Variants in RDH14 observed in about 807,000 individuals in gnomAD.
RDH14 encodes retinol dehydrogenase 14, also known as alcohol dehydrogenase PAN2.
Under a neutral mutation model 19.3 loss-of-function variants are expected in RDH14, and 17 were observed. The ratio of observed to expected loss-of-function variants is 0.88; its 90% confidence interval spans 0.60 to 1.32. RDH14 has a LOEUF of 1.32. RDH14 is among the 40% of genes most tolerant of loss of function. The pLI, the probability that RDH14 is intolerant of heterozygous loss-of-function variation, is 0.00. For synonymous variants in RDH14, 215 were observed against 188.9 expected, an observed-to-expected ratio of 1.14 and a Z score of -1.13; for missense variants, 534 against 449.2, an observed-to-expected ratio of 1.19 and a Z score of -1.71.
rs546106327 is a variant in RDH14 at position 18,560,312 on chromosome 2, G to A, written c.261C>T (p.Leu87=). ...RARAEEAAGQ[L]RRELRQAAEC... ...CCGCGGCCTGGCGGAGCTCGCGGCG[G>A]AGCTGACCCGCCGCCTCCTCGGCGC... The change falls in exon 1 of 2, where the codon CTC becomes CTT. Residue 87 remains leucine (L), a synonymous_variant. Transcript: ENST00000381249. 6 of 1,436,860 alleles carry A rather than the reference G, an allele frequency of 4.2e-6. No homozygotes were observed. The highest frequency in any genetic ancestry group is 5.4e-6 in the Non-Finnish European group (6 of 1,107,712). 89.0% of individuals were successfully genotyped at this position (1,436,860 alleles called of 1,614,324 possible).
At chr2:18,559,712 A>G (rs1664032673) in intron 1 of RDH14, among the ~76,000 whole-genome samples, 1 of 152,134 alleles carries the variant, frequency 6.6e-6, no homozygotes, top group Non-Finnish European at 1.5e-5. Flanking sequence ...CCCAGCAGAA[A>G]AGGGGCAGAG....
Position 18,560,110 on chromosome 2 carries a change from C to T in RDH14, c.393+70G>A, listed in dbSNP as rs371244701. 221 of 1,472,172 alleles carry T rather than the reference C, an allele frequency of 1.5e-4. 3 individuals carry two copies. In the South Asian group the frequency reaches 2.6e-3, roughly 17 times the overall value. 91.2% of individuals were successfully genotyped at this position (1,472,172 alleles called of 1,614,324 possible). The stretch of plus-strand genomic sequence containing the variant: ...CCAGGGCGGTCCCTCGCGGCTCAGC[C>T]CCAGCCCGCAGTCCCCTCCCACACC... On this transcript the variant is annotated intron_variant, in intron 1 of 1. Coordinates refer to ENST00000381249, the MANE Select transcript of RDH14 (RefSeq NM_020905.4).
rs1218201483 is a variant in RDH14 at position 18,560,513 on chromosome 2, C to T, written c.60G>A (p.Ala20=). 15 of 1,511,128 alleles carry T rather than the reference C, an allele frequency of 9.9e-6. No individual in the cohort carries two copies. In the East Asian group the frequency reaches 3.2e-4, roughly 32 times the overall value. The allele number at this position is 1,511,128 out of a possible 1,614,324, so 93.6% of individuals were successfully genotyped here. A position where few individuals can be genotyped will look rare whatever the true frequency, so the allele number is the denominator to read the frequency against. ...CCCTGGGCCCCACGAACCGGCGGGC[C>T]GCCAGCCACAGCGCCCCGCCCAGAG... ...LAALGGALWL[A]ARRFVGPRVQ... The change falls in exon 1 of 2, where the codon GCG becomes GCA. Residue 20 remains alanine, a synonymous_variant. Coordinates refer to ENST00000381249, the MANE Select transcript of RDH14 (RefSeq NM_020905.4).
rs769710336 is a variant in RDH14, at chr2:18,560,236, C to G, written c.337G>C (p.Glu113Gln). 9.8e-6 allele frequency: 15 copies of G among 1,526,052 alleles called. No homozygotes were observed. The South Asian group carries it at 1.7e-4, about 17-fold the overall frequency. 94.5% of individuals were successfully genotyped at this position (1,526,052 alleles called of 1,614,324 possible). A position where few individuals can be genotyped will look rare whatever the true frequency, so the allele number is the denominator to read the frequency against. Residue 113 changes from glutamate to glutamine, a missense_variant, in exon 1 of 2, where the codon GAG (glutamate) becomes CAG (glutamine). Transcript: ENST00000381249. The stretch of plus-strand genomic sequence containing the variant: ...GAGCGCAGCGAGGCGAGGTCCAGCT[C>G]CCGGACTATGAGCTCGCCCACCCCG... ...VSGVGELIVR[E>Q]LDLASLRSVR... is the part of the protein sequence containing the mutation.
At position 18,560,514 on chromosome 2, in the gene RDH14, G is replaced by T. The variant is rs767024281; in HGVS notation, c.59C>A (p.Ala20Glu). The T allele has an allele frequency of 6.6e-7, 1 of 1,509,076 alleles. No homozygotes were observed. Among genetic ancestry groups the T allele is most frequent in the South Asian group, 1.2e-5 (1 of 81,536 alleles). 93.5% of individuals were successfully genotyped at this position (1,509,076 alleles called of 1,614,324 possible). A position where few individuals can be genotyped will look rare whatever the true frequency, so the allele number is the denominator to read the frequency against. The change falls in exon 1 of 2, where the codon GCG becomes GAG. Residue 20 changes from alanine (A) to glutamate (E), a missense_variant. Transcript: ENST00000381249. Reference sequence around the variant, plus strand: ...CCTGGGCCCCACGAACCGGCGGGCCGCCAGCCACAGCGCCCCGCCCAGAGC... The same window carrying T: ...CCTGGGCCCCACGAACCGGCGGGCCTCCAGCCACAGCGCCCCGCCCAGAGC... ...LAALGGALWL[A>E]ARRFVGPRVQ...
chr2:18,558,343 G>A (rs1408837170), intron 1 of RDH14, among the ~76,000 whole-genome samples: 1 of 151,990 alleles, frequency 6.6e-6, no homozygotes, highest in Admixed American at 6.6e-5. Flanking sequence ...TTCTCAAATA[G>A]CTACTAAGTT....
At chr2:18,556,757 C>A (rs754770752) in intron 1 of RDH14, among the ~76,000 whole-genome samples, 7 of 152,210 alleles carry the variant, frequency 4.6e-5, no homozygotes, top group Admixed American at 1.3e-4. Flanking sequence ...AGACCATATG[C>A]TGTAGAAAAC....
Position 18,555,222 on chromosome 2 carries a change from A to G in RDH14, c.980T>C (p.Ile327Thr). The stretch of plus-strand genomic sequence containing the variant: ...TAGCAGGCCAACCATCACTTCACTG[A>G]TATCCCAGAGTTTTCTTGCAACAGA... ...DESVARKLWD[I>T]SEVMVGLLK The change falls in exon 2 of 2, where the codon ATC becomes ACC. Residue 327 changes from isoleucine (I) to threonine (T), a missense_variant. Coordinates refer to ENST00000381249, the MANE Select transcript of RDH14 (RefSeq NM_020905.4). 1 of 1,614,012 alleles carries G rather than the reference A, an allele frequency of 6.2e-7. No individual in the cohort carries two copies. Among genetic ancestry groups the G allele is most frequent in the African/African-American group, 1.3e-5 (1 of 75,044 alleles).
Position 18,560,541 on chromosome 2 carries a change from G to T in RDH14, c.32C>A (p.Ala11Asp), listed in dbSNP as rs1218658426. 1.2e-5 allele frequency: 18 copies of T among 1,505,000 alleles called. No individual in the cohort carries two copies. The highest frequency in any genetic ancestry group is 1.5e-5 in the Non-Finnish European group (17 of 1,135,196). 93.2% of individuals were successfully genotyped at this position (1,505,000 alleles called of 1,614,324 possible). The change falls in exon 1 of 2, where the codon GCC (alanine) becomes GAC (aspartate). Residue 11 changes from alanine to aspartate, a missense_variant. Physicochemically the swap from Ala to Asp is moderately radical, Grantham distance 126. Transcript: ENST00000381249. MAVATAAAVL[A>D]ALGGALWLAA... ...CAGCCACAGCGCCCCGCCCAGAGCGGCCAGTACTGCCGCCGCAGTGGCCAC... is the reference window on the plus strand; with the variant it reads ...CAGCCACAGCGCCCCGCCCAGAGCGTCCAGTACTGCCGCCGCAGTGGCCAC...
rs138173772 is a variant in RDH14 at position 18,555,481 on chromosome 2, T to A, written c.721A>T (p.Thr241Ser). The A allele has an allele frequency of 3.1e-4, 502 of 1,614,068 alleles. No individual in the cohort carries two copies. The highest frequency in any genetic ancestry group is 8.5e-4 in the Admixed American group (51 of 60,014). The change falls in exon 2 of 2, where the codon ACC becomes TCC. Residue 241 changes from threonine to serine, a missense_variant. Physicochemically the swap from Thr to Ser is moderately conservative, Grantham distance 58. Coordinates refer to ENST00000381249, the MANE Select transcript of RDH14 (RefSeq NM_020905.4). ...LARRLEGTNVTVNVLHPGIVR... is the reference protein window; with the variant it reads ...LARRLEGTNVSVNVLHPGIVR... ...ATACCAGGATGCAACACATTGACGG[T>A]GACATTTGTGCCTTCTAAGCGGCGG...
At position 18,555,694 on chromosome 2, in the gene RDH14, G is replaced by GA; in HGVS notation, c.507dup (p.Leu170SerfsTer27). ...AGTCCAAGGAGAAGATTGGTGAGTA[G>GA]AAAGTGCCCCAGATGGTTCACTCCG... is the stretch of plus-strand genomic sequence containing the variant. On this transcript the variant is annotated frameshift_variant, in exon 2 of 2. Transcript: ENST00000381249. LOFTEE classifies it high-confidence loss of function. 1 of 1,614,132 alleles carries GA rather than the reference G, an allele frequency of 6.2e-7. No individual in the cohort carries two copies. The highest frequency in any genetic ancestry group is 8.5e-7 in the Non-Finnish European group (1 of 1,179,978).
At position 18,560,531 on chromosome 2, in the gene RDH14, G is replaced by A; in HGVS notation, c.42C>T (p.Gly14=). The A allele has an allele frequency of 1.3e-6, 2 of 1,507,520 alleles. No individual in the cohort carries two copies. Among genetic ancestry groups the A allele is most frequent in the South Asian group, 1.2e-5 (1 of 81,424 alleles). 93.4% of individuals were successfully genotyped at this position (1,507,520 alleles called of 1,614,324 possible). The change falls in exon 1 of 2, where the codon GGC becomes GGT. Residue 14 remains glycine, a synonymous_variant. Transcript: ENST00000381249. The part of the protein sequence containing the change: ...ATAAAVLAAL[G]GALWLAARRF... ...GGCGGGCCGCCAGCCACAGCGCCCC[G>A]CCCAGAGCGGCCAGTACTGCCGCCG...
rs946436487 is a variant in RDH14 at position 18,560,311 on chromosome 2, G to T, written c.262C>A (p.Arg88Ser). 1 of 1,435,018 alleles carries T rather than the reference G, an allele frequency of 7.0e-7. No homozygotes were observed. The highest frequency in any genetic ancestry group is 1.5e-5 in the African/African-American group (1 of 66,588). The allele number at this position is 1,435,018 out of a possible 1,614,324, so 88.9% of individuals were successfully genotyped here. A position where few individuals can be genotyped will look rare whatever the true frequency, so the allele number is the denominator to read the frequency against. ...TCCGCGGCCTGGCGGAGCTCGCGGC[G>T]GAGCTGACCCGCCGCCTCCTCGGCG... is the stretch of plus-strand genomic sequence containing the variant. Reference protein sequence around the residue: ...ARAEEAAGQLRRELRQAAECG... With the variant: ...ARAEEAAGQLSRELRQAAECG... Residue 88 changes from arginine (R) to serine (S), a missense_variant, in exon 1 of 2, where the codon CGC becomes AGC. Physicochemically the swap from Arg to Ser is moderately radical, Grantham distance 110 (BLOSUM62 -1). Coordinates refer to ENST00000381249, the MANE Select transcript of RDH14 (RefSeq NM_020905.4).
chr2:18,560,519 C>T lies in RDH14; in HGVS notation c.54G>A (p.Trp18Ter), dbSNP rs755791682. 3 of 1,510,352 alleles carry T rather than the reference C, an allele frequency of 2.0e-6. No homozygotes were observed. Among genetic ancestry groups the T allele is most frequent in the East Asian group, 5.3e-5 (2 of 37,560 alleles). The allele number at this position is 1,510,352 out of a possible 1,614,324, so 93.6% of individuals were successfully genotyped here. ...GCCCCACGAACCGGCGGGCCGCCAG[C>T]CACAGCGCCCCGCCCAGAGCGGCCA... ...AVLAALGGAL[W>*]LAARRFVGPR... is the part of the protein sequence containing the mutation. Residue 18 changes from tryptophan (W) to a stop codon, truncating the protein, a stop_gained, in exon 1 of 2, where the codon TGG (tryptophan) becomes TGA (stop). Coordinates refer to ENST00000381249, the MANE Select transcript of RDH14 (RefSeq NM_020905.4). LOFTEE classifies it high-confidence loss of function.
intron 1 of RDH14, among the ~76,000 whole-genome samples, chr2:18,557,704 C>T (rs1409451448): frequency 1.3e-5 from 2 of 151,962 alleles, no homozygotes; most frequent in African/African-American, 4.8e-5. Flanking sequence ...AACAGAAATA[C>T]TTACTTAGAA....
At position 18,555,548 on chromosome 2, in the gene RDH14, G is replaced by A. The variant is rs1663889719; in HGVS notation, c.654C>T (p.Ser218=). ...EQSYNKSFCY[S]RSKLANILFT... ...AAAGAATGTTAGCCAGTTTGCTCCGGCTATAACAAAAGCTTTTATTATAGC... is the reference window on the plus strand; with the variant it reads ...AAAGAATGTTAGCCAGTTTGCTCCGACTATAACAAAAGCTTTTATTATAGC... The change falls in exon 2 of 2, where the codon AGC becomes AGT. Residue 218 remains serine (S), a synonymous_variant. Transcript: ENST00000381249. The A allele has an allele frequency of 6.2e-7, 1 of 1,614,128 alleles. No homozygotes were observed. Among genetic ancestry groups the A allele is most frequent in the East Asian group, 2.2e-5 (1 of 44,880 alleles).
chr2:18,555,836 AATT>A (rs1663902482), intron 1 of RDH14, 28 bp from the exon 2 acceptor site: 1 of 1,571,256 alleles, frequency 6.4e-7, no homozygotes, highest in Admixed American at 1.9e-5. Flanking sequence ...AGAATGGCAG[AATT>A]ATTAAGAACA....
Position 18,555,706 on chromosome 2 carries a change from G to C in RDH14, c.496C>G (p.Leu166Val). ...AGATTGGTGAGTAGAAAGTGCCCCA[G>C]ATGGTTCACTCCGAACTGCATCTCA... ...GFEMQFGVNHLGHFLLTNLLL... is the reference protein window; with the variant it reads ...GFEMQFGVNHVGHFLLTNLLL... The change falls in exon 2 of 2, where the codon CTG (leucine) becomes GTG (valine). Residue 166 changes from leucine to valine, a missense_variant. Physicochemically the swap from Leu to Val is conservative, Grantham distance 32 (BLOSUM62 1). Coordinates refer to ENST00000381249, the MANE Select transcript of RDH14 (RefSeq NM_020905.4). 3.7e-6 allele frequency: 6 copies of C among 1,614,138 alleles called. No individual in the cohort carries two copies. Among genetic ancestry groups the C allele is most frequent in the Non-Finnish European group, 5.1e-6 (6 of 1,179,980 alleles).
At position 18,555,451 on chromosome 2, in the gene RDH14, G is replaced by A. The variant is rs1309257924; in HGVS notation, c.751C>T (p.Arg251Trp). 52 of 1,613,990 alleles carry A rather than the reference G, an allele frequency of 3.2e-5. No individual in the cohort carries two copies. Among genetic ancestry groups the A allele is most frequent in the African/African-American group, 6.7e-5 (5 of 74,908 alleles). Residue 251 changes from arginine (R) to tryptophan (W), a missense_variant, in exon 2 of 2, where the codon CGG (arginine) becomes TGG (tryptophan). Physicochemically the swap from Arg to Trp is moderately radical, Grantham distance 101. Coordinates refer to ENST00000381249, the MANE Select transcript of RDH14 (RefSeq NM_020905.4). The stretch of plus-strand genomic sequence containing the variant: ...TGTATGTGCCTCCCCAGATTTGTCC[G>A]TACAATACCAGGATGCAACACATTG... Reference protein sequence around the residue: ...TVNVLHPGIVRTNLGRHIHIP... With the variant: ...TVNVLHPGIVWTNLGRHIHIP...
Sources: gnomAD v4.1 joint callset for allele counts (sites outside exome capture counted in the v4.1 genomes callset) on GRCh38, gnomAD v4.1.1 for gene constraint, MANE v1.5 for transcripts, NCBI Gene and HGNC (gene_info 2026-07-23, HGNC 2026-07-21) for gene names.